Variants in XRN2 observed in about 807,000 individuals in gnomAD.
XRN2 encodes the protein 5'-3' exoribonuclease 2.
Under a neutral mutation model 138.5 loss-of-function variants are expected in XRN2, and 44 were observed. That is an observed-to-expected ratio of 0.32 (90% confidence interval 0.25 to 0.41). XRN2 has a LOEUF of 0.41. Ranked by LOEUF, XRN2 falls within the 10% of genes least tolerant of loss-of-function variation. XRN2 has a pLI of 1.00. For synonymous variants in XRN2, 354 were observed against 369.4 expected, an observed-to-expected ratio of 0.96 and a Z score of 0.48; for missense variants, 937 against 1,169.3, an observed-to-expected ratio of 0.80 and a Z score of 2.90.
intron 1 of XRN2, among the ~76,000 whole-genome samples, chr20:21,321,689 G>T (rs1546996): frequency 0.63 from 96,090 of 151,934 alleles, 30,852 homozygotes; most frequent in South Asian, 0.78. Context: ...TTTTGCAAAT[G>T]AATTTTGTTC....
intron 15 of XRN2, among the ~76,000 whole-genome samples, chr20:21,341,800 G>A (rs2038375737): frequency 6.6e-6 from 1 of 152,192 alleles, no homozygotes; most frequent in African/African-American, 2.4e-5. Flanking sequence ...TCCCCGCAGA[G>A]CAGAACTGAG....
At chr20:21,323,795 T>A (rs2038082110) in intron 1 of XRN2, among the ~76,000 whole-genome samples, 1 of 152,224 alleles carries the variant, frequency 6.6e-6, no homozygotes. Flanking sequence ...AGGGCAGGGA[T>A]TAGCCTGCTG....
chr20:21,349,555 C>T, intron 20 of XRN2, 94 bp downstream of exon 20: 1 of 1,063,204 alleles, frequency 9.4e-7, no homozygotes, highest in Non-Finnish European at 1.4e-6. Context: ...TTAGCCTGGG[C>T]AACATGGTGA....
intron 14 of XRN2, among the ~76,000 whole-genome samples, chr20:21,339,705 C>T (rs1054032894): frequency 6.6e-6 from 1 of 152,226 alleles, no homozygotes; most frequent in Non-Finnish European, 1.5e-5. Context: ...GGCCTCCCTT[C>T]TTGGTTATGC....
intron 9 of XRN2, among the ~76,000 whole-genome samples, chr20:21,332,978 G>A (rs897452810): frequency 6.6e-6 from 1 of 152,134 alleles, no homozygotes; most frequent in Non-Finnish European, 1.5e-5. Context: ...AGGGGCTTCT[G>A]TTTCAATAAT....
intron 27 of XRN2, among the ~76,000 whole-genome samples, chr20:21,374,442 T>G (rs960279526): frequency 3.3e-5 from 5 of 152,146 alleles, no homozygotes; most frequent in African/African-American, 4.8e-5. Context: ...AATATGAGGT[T>G]TGCTGCAGTT....
intron 1 of XRN2, among the ~76,000 whole-genome samples, chr20:21,318,638 G>A (rs1174705780): frequency 2.0e-5 from 3 of 151,668 alleles, no homozygotes; most frequent in Non-Finnish European, 4.4e-5. Context: ...ATAACATTTT[G>A]TATATTGTGT....
intron 27 of XRN2, among the ~76,000 whole-genome samples, chr20:21,377,947 T>G (rs1290662763): frequency 6.6e-6 from 1 of 152,196 alleles, no homozygotes; most frequent in Non-Finnish European, 1.5e-5. Flanking sequence ...CTCCGCTCTT[T>G]CCGTCCCTCG....
intron 27 of XRN2, among the ~76,000 whole-genome samples, chr20:21,377,290 C>CTTTTTTTTTTTTTTTTTT (rs2038835999): frequency 1.6e-4 from 2 of 12,832 alleles, no homozygotes; most frequent in African/African-American, 4.0e-4. Flanking sequence ...GTCAGTCTTG[C>CTTTTTTTTTTTTTTTTTT]TTTGCCACCC....
chr20:21,326,273 T>C lies in XRN2; in HGVS notation c.76-6T>C. On this transcript the variant is annotated splice_region_variant and splice_polypyrimidine_tract_variant and intron_variant, in intron 1 of 29. Coordinates refer to ENST00000377191, the MANE Select transcript of XRN2 (RefSeq NM_012255.5). ...CAAACTACTATTAATTATCACTTCC[T>C]CATAGCCAAAAGAATGCAATGGTGT... 6.2e-7 allele frequency: 1 copy of C among 1,612,648 alleles called. No individual in the cohort carries two copies. Among genetic ancestry groups the C allele is most frequent in the South Asian group, 1.1e-5 (1 of 90,978 alleles).
chr20:21,348,401 C>T lies in XRN2; in HGVS notation c.1834C>T (p.Pro612Ser). ...FPAASGNFLP[P>S]SWRKLMSDPD... The stretch of plus-strand genomic sequence containing the variant: ...AGCTGCAAGTGGTAATTTTCTACCT[C>T]CATCATGGCGGAAGCTCATGAGTGA... The change falls in exon 19 of 30, where the codon CCA (proline) becomes TCA (serine). Residue 612 changes from proline (P) to serine (S), a missense_variant. Around this residue, in one of 6 missense-constraint regions of XRN2, gnomAD observed 372 missense variants for 414.4 expected, o/e 0.90. Transcript: ENST00000377191. 6.2e-7 allele frequency: 1 copy of T among 1,614,068 alleles called. No individual in the cohort carries two copies. The highest frequency in any genetic ancestry group is 8.5e-7 in the Non-Finnish European group (1 of 1,179,990).
At position 21,305,736 on chromosome 20, in the gene XRN2, T is replaced by A. The variant is rs1329483325; in HGVS notation, c.75+2263T>A. On this transcript the variant is annotated intron_variant, in intron 1 of 29. Coordinates refer to ENST00000377191, the MANE Select transcript of XRN2 (RefSeq NM_012255.5). ...TCCTTTAAATCGTTTTCTTAGTTTT[T>A]ATTCTTAATTCTTTTTTTTTTTTTT... is the stretch of plus-strand genomic sequence containing the variant. Among the ~76,000 whole-genome samples, 2 of 47,602 alleles carry A rather than the reference T, an allele frequency of 4.2e-5. 1 individual carries two copies. The highest frequency in any genetic ancestry group is 1.0e-4 in the African/African-American group (2 of 19,700). 31.2% of individuals were successfully genotyped at this position (47,602 alleles called of 152,430 possible).
chr20:21,355,056 G>C (rs1390532416), intron 21 of XRN2, among the ~76,000 whole-genome samples, 184 bp downstream of exon 21: 1 of 152,110 alleles, frequency 6.6e-6, no homozygotes, highest in East Asian at 1.9e-4. Context: ...AAGTTGAGTA[G>C]TAGTTAAATA....
intron 3 of XRN2, among the ~76,000 whole-genome samples, chr20:21,326,938 G>A (rs1478015324): frequency 1.3e-5 from 2 of 152,224 alleles, no homozygotes; most frequent in Non-Finnish European, 2.9e-5. Flanking sequence ...GTTGAGGGAA[G>A]AGGAAGTCAG....
In XRN2 at chr20:21,334,000, T is replaced by G. The variant is rs531414986; in HGVS notation, c.1125+6T>G. The stretch of plus-strand genomic sequence containing the variant: ...ATGTGGTACACAAAACTGGGGTAAG[T>G]TCATTCTTGAATGATTTCAAAACAG... On this transcript the variant is annotated splice_donor_region_variant and intron_variant, in intron 12 of 29. Transcript: ENST00000377191. The G allele has an allele frequency of 6.2e-7, 1 of 1,614,126 alleles. No individual in the cohort carries two copies. Among genetic ancestry groups the G allele is most frequent in the South Asian group, 1.1e-5 (1 of 91,070 alleles).
intron 27 of XRN2, among the ~76,000 whole-genome samples, chr20:21,381,609 TTAA>T (rs2038883784): frequency 6.6e-6 from 1 of 152,198 alleles, no homozygotes; most frequent in Non-Finnish European, 1.5e-5. Context: ...TCAGTTTGTA[TTAA>T]TTCTATTTAT....
chr20:21,309,955 G>A (rs1031327403), intron 1 of XRN2, among the ~76,000 whole-genome samples: 12 of 151,810 alleles, frequency 7.9e-5, no homozygotes, highest in Admixed American at 5.9e-4. Flanking sequence ...CTATTTCTTT[G>A]ATTCTGCTCT....
chr20:21,331,470 T>C lies in XRN2; in HGVS notation c.577-91T>C, dbSNP rs143029413. The C allele has an allele frequency of 1.2e-3, 1,290 of 1,085,720 alleles. 13 individuals are homozygous for C. In the African/African-American group the frequency reaches 0.018, roughly 16 times the overall value. The allele number at this position is 1,085,720 out of a possible 1,614,324, so 67.3% of individuals were successfully genotyped here. On this transcript the variant is annotated intron_variant, in intron 6 of 29. Coordinates refer to ENST00000377191, the MANE Select transcript of XRN2 (RefSeq NM_012255.5). ...TCAGAAAATTTTCCCGTAACACTTA[T>C]CTCAGTTTTTCTTGAGACATATAAT...
At chr20:21,378,123 G>C (rs1209706976) in intron 27 of XRN2, among the ~76,000 whole-genome samples, 1 of 152,206 alleles carries the variant, frequency 6.6e-6, no homozygotes, top group Admixed American at 6.5e-5. Context: ...TTTTAGCCAA[G>C]ATGTTTTCTT....
Sources: gnomAD v4.1 joint callset for allele counts (sites outside exome capture counted in the v4.1 genomes callset) on GRCh38, gnomAD v4.1.1 for gene constraint, gnomAD v4.1.1 regional missense constraint, MANE v1.5 for transcripts, NCBI Gene and HGNC (gene_info 2026-07-23, HGNC 2026-07-21) for gene names.